PTK7: variants seen among roughly 807,000 people sequenced by gnomAD.
PTK7 encodes protein tyrosine kinase 7 (inactive).
Under a neutral mutation model 116.6 loss-of-function variants are expected in PTK7, and 39 were observed. The observed-to-expected ratio is 0.33, with a 90% CI of 0.26 to 0.44. PTK7 has a LOEUF of 0.44. Ranked by LOEUF, PTK7 falls within the 20% of genes least tolerant of loss-of-function variation. PTK7 has a pLI of 1.00. For synonymous variants in PTK7, 546 were observed against 563.6 expected (o/e 0.97, Z 0.44); for missense variants, 1,169 against 1,425.6 (o/e 0.82, Z 2.90).
intron 1 of PTK7, among the ~76,000 whole-genome samples, chr6:43,089,860 GT>G: frequency 6.6e-6 from 1 of 152,304 alleles, no homozygotes; most frequent in South Asian, 2.1e-4. Flanking sequence ...CCTGCACCCT[GT>G]TTTGATGGAG....
In PTK7 at chr6:43,130,240, C is replaced by G. The variant is rs145011642; in HGVS notation, c.481C>G (p.Gln161Glu). The G allele has an allele frequency of 2.3e-5, 37 of 1,581,720 alleles. No individual in the cohort carries two copies. Among genetic ancestry groups the G allele is most frequent in the Middle Eastern group, 3.4e-4 (2 of 5,934 alleles). ...HIDGHPRPTY[Q>E]WFRDGTPLSD... ...GTGTCTGCCCTGCAGGCCCACCTAC[C>G]AATGGTTCCGAGATGGGACCCCCCT... The change falls in exon 4 of 20, where the codon CAA becomes GAA. Residue 161 changes from glutamine (Q) to glutamate (E), a missense_variant. Gln to Glu is a conservative substitution (Grantham distance 29). This residue lies in a region of PTK7 where 487 missense variants were observed against 549.8 expected (regional missense o/e 0.89). Coordinates refer to ENST00000230419, the MANE Select transcript of PTK7 (RefSeq NM_002821.5).
chr6:43,102,542 T>A (rs1234680754), intron 1 of PTK7, among the ~76,000 whole-genome samples: 1 of 150,602 alleles, frequency 6.6e-6, no homozygotes, highest in Non-Finnish European at 1.5e-5. Flanking sequence ...TGCATTGAGA[T>A]CCTACCACTG....
chr6:43,116,390 C>G (rs1194371986), intron 1 of PTK7, among the ~76,000 whole-genome samples: 1 of 152,094 alleles, frequency 6.6e-6, no homozygotes, highest in Non-Finnish European at 1.5e-5. Context: ...GCCACAGGCC[C>G]TGGGCGGCTC....
intron 17 of PTK7, among the ~76,000 whole-genome samples, chr6:43,156,557 G>A (rs1358114464): frequency 2.0e-5 from 3 of 151,114 alleles, no homozygotes; most frequent in Non-Finnish European, 4.4e-5. Flanking sequence ...GCAGTGAACC[G>A]TGATCACCAT....
intron 1 of PTK7, among the ~76,000 whole-genome samples, chr6:43,097,598 G>A (rs1767333286): frequency 1.3e-5 from 2 of 152,196 alleles, no homozygotes; most frequent in African/African-American, 4.8e-5. Flanking sequence ...ATTTGCACAG[G>A]ATAATCTATA....
At chr6:43,077,179 T>C (rs1766088330) in intron 1 of PTK7, among the ~76,000 whole-genome samples, 1 of 152,218 alleles carries the variant, frequency 6.6e-6, no homozygotes, top group Admixed American at 6.5e-5. Context: ...ATCCATGGCC[T>C]CTAGCTACTG....
chr6:43,157,358 ATATAT>A (rs1771535179), intron 17 of PTK7, among the ~76,000 whole-genome samples: 2 of 3,752 alleles, frequency 5.3e-4, no homozygotes, highest in African/African-American at 6.8e-4. Context: ...ATATATATAT[ATATAT>A]ATTTTTTTTT....
intron 1 of PTK7, among the ~76,000 whole-genome samples, chr6:43,096,036 T>C (rs1268962642): frequency 1.3e-5 from 2 of 152,168 alleles, no homozygotes; most frequent in Admixed American, 6.5e-5. Context: ...GCCCTCCGAT[T>C]CCATATTTGT....
intron 1 of PTK7, among the ~76,000 whole-genome samples, chr6:43,095,792 T>C (rs1330912532): frequency 6.6e-6 from 1 of 152,232 alleles, no homozygotes; most frequent in African/African-American, 2.4e-5. Context: ...AAGGGCATTT[T>C]TGATGCAATA....
intron 5 of PTK7, chr6:43,131,743 A>G (rs1354612069): frequency 4.0e-6 from 2 of 494,464 alleles, no homozygotes; most frequent in Non-Finnish European, 7.4e-6. Flanking sequence ...GACACAGCCA[A>G]ACCATATCAC....
chr6:43,160,913 G>T lies in PTK7; in HGVS notation c.*32G>T, dbSNP rs142709284. 1 of 1,608,960 alleles carries T rather than the reference G, an allele frequency of 6.2e-7. No homozygotes were observed. ...AGCCCGCTCAGGATGGCCTGGGCAG[G>T]GGAGGACATCTCTAGAGGGAAGCTC... On this transcript the variant is annotated 3_prime_UTR_variant, in exon 20 of 20. Coordinates refer to ENST00000230419, the MANE Select transcript of PTK7 (RefSeq NM_002821.5).
At chr6:43,146,738 A>T (rs1770752769) in intron 17 of PTK7, 40 bp downstream of exon 17, 1 of 1,581,536 alleles carries the variant, frequency 6.3e-7, no homozygotes, top group African/African-American at 1.3e-5. Context: ...GAGGGTGCCC[A>T]GGGGTGGGCC....
At chr6:43,118,209 A>G (rs1481251105) in intron 1 of PTK7, among the ~76,000 whole-genome samples, 1 of 149,418 alleles carries the variant, frequency 6.7e-6, no homozygotes, top group Non-Finnish European at 1.5e-5. Flanking sequence ...GGCTAGTGTG[A>G]CCGAGGAAAT....
rs181766373 is a variant in PTK7 at position 43,078,749 on chromosome 6, G to A, written c.79+2182G>A. ...AGATGCTGTTGTAATAAATATGGTG[G>A]AGGAGGAGGAGGCTTGATGTTTGAA... is the stretch of plus-strand genomic sequence containing the variant. On this transcript the variant is annotated intron_variant, in intron 1 of 19. Coordinates refer to ENST00000230419, the MANE Select transcript of PTK7 (RefSeq NM_002821.5). Among the ~76,000 whole-genome samples the A allele has an allele frequency of 5.7e-3, 862 of 152,300 alleles. 5 individuals are homozygous for A. Among genetic ancestry groups the A allele is most frequent in the Middle Eastern group, 0.031 (9 of 294 alleles).
At chr6:43,097,071 T>A (rs1767304995) in intron 1 of PTK7, among the ~76,000 whole-genome samples, 1 of 139,486 alleles carries the variant, frequency 7.2e-6, no homozygotes, top group African/African-American at 2.7e-5. Context: ...CCCCAGAGCT[T>A]GGCCAGACTG....
chr6:43,110,078 C>T (rs1768110353), intron 1 of PTK7, among the ~76,000 whole-genome samples: 1 of 146,552 alleles, frequency 6.8e-6, no homozygotes. Context: ...CTCACAGCAA[C>T]CTCCGTCTCC....
At chr6:43,159,647 G>A (rs967465204) in intron 18 of PTK7, 141 bp from the exon 19 acceptor site, 27 of 796,254 alleles carry the variant, frequency 3.4e-5, no homozygotes, top group Admixed American at 6.1e-5. Context: ...TGCTCAGCAC[G>A]CATGTGACCA....
intron 1 of PTK7, among the ~76,000 whole-genome samples, chr6:43,109,681 C>T (rs910409888): frequency 9.9e-5 from 15 of 151,464 alleles, no homozygotes; most frequent in African/African-American, 3.6e-4. Context: ...TCTTAGATTA[C>T]TAGTGCATTG....
At chr6:43,154,213 A>G (rs558568237) in intron 17 of PTK7, among the ~76,000 whole-genome samples, 3 of 151,562 alleles carry the variant, frequency 2.0e-5, no homozygotes, top group Non-Finnish European at 2.9e-5. Context: ...GTATATGCCA[A>G]TAGTCCCAAC....
Sources: allele counts gnomAD v4.1 joint callset (sites outside exome capture counted in the v4.1 genomes callset), GRCh38; gene constraint gnomAD v4.1.1; regional missense constraint gnomAD v4.1.1; transcripts MANE v1.5; gene names NCBI Gene and HGNC (gene_info 2026-07-23, HGNC 2026-07-21).